The following GLDC variants were observed in gnomAD, a reference collection of about 807,000 sequenced individuals.
GLDC encodes glycine dehydrogenase (decarboxylating), mitochondrial.
Under a neutral mutation model 121.3 loss-of-function variants are expected in GLDC, and 104 were observed. The ratio of observed to expected loss-of-function variants is 0.86; its 90% CI spans 0.73 to 1.01. The LOEUF (loss-of-function observed/expected upper bound fraction) is 1.01. Among genes scored for constraint, GLDC ranks in the 50% least tolerant of loss-of-function variants. GLDC has a pLI of 0.00. For synonymous variants in GLDC, 546 were observed against 480.6 expected (o/e 1.14, Z -1.78); for missense variants, 1,429 against 1,306.6 (o/e 1.09, Z -1.44).
At chr9:6,637,495 G>A (rs1385475155) in intron 2 of GLDC, among the ~76,000 whole-genome samples, 4 of 151,932 alleles carry the variant, frequency 2.6e-5, no homozygotes, top group African/African-American at 9.7e-5. Flanking sequence ...TGTCGCCCAG[G>A]CTGGTGTGCA....
At chr9:6,635,087 C>T (rs142866530) in intron 2 of GLDC, among the ~76,000 whole-genome samples, 1,767 of 152,304 alleles carry the variant, frequency 0.012, 23 homozygotes, top group African/African-American at 0.04. Flanking sequence ...CATGCCTCTG[C>T]TCATGCCATA....
At position 6,645,310 on chromosome 9, in the gene GLDC, C is replaced by T. The variant is rs141601131; in HGVS notation, c.190G>A (p.Ala64Thr). 173 of 1,594,388 alleles carry T rather than the reference C, an allele frequency of 1.1e-4. No individual in the cohort carries two copies. In the African/African-American group the frequency reaches 2.0e-3, roughly 18 times the overall value. Residue 64 changes from alanine to threonine, a missense_variant, in exon 1 of 25, where the codon GCT (alanine) becomes ACT (threonine). Physicochemically the swap from Ala to Thr is moderately conservative, Grantham distance 58. Transcript: ENST00000321612. The part of the protein sequence containing the change: ...ERLLPRHDDF[A>T]RRHIGPGDKD... ...TCCCCAGGGCCGATGTGCCTCCGAG[C>T]GAAGTCGTCGTGTCTGGGCAGAAGG...
At chr9:6,628,716 G>C (rs1819300376) in intron 2 of GLDC, among the ~76,000 whole-genome samples, 1 of 152,222 alleles carries the variant, frequency 6.6e-6, no homozygotes, top group South Asian at 2.1e-4. Flanking sequence ...ACTCCCACCT[G>C]GGTGACAGAG....
At chr9:6,569,576 C>T (rs367845240) in intron 15 of GLDC, among the ~76,000 whole-genome samples, 271 of 151,708 alleles carry the variant, frequency 1.8e-3, no homozygotes, top group African/African-American at 6.5e-3. Context: ...TGCTTGAACC[C>T]GGGAGGCGGA....
chr9:6,637,092 T>A (rs1231138929), intron 2 of GLDC, among the ~76,000 whole-genome samples: 9 of 150,148 alleles, frequency 6.0e-5, no homozygotes, highest in African/African-American at 2.0e-4. Flanking sequence ...TGTTTGTTTT[T>A]TTTTTTAAAA....
At position 6,641,044 on chromosome 9, in the gene GLDC, T is replaced by C. The variant is rs190701613; in HGVS notation, c.334+3570A>G. On this transcript the variant is annotated intron_variant, in intron 2 of 24. Transcript: ENST00000321612. ...TTTGAACTGAATAGCTTTGCTTGTT[T>C]CTCTGAATAATGACTTACTTAGCAG... is the stretch of plus-strand genomic sequence containing the variant. Among the ~76,000 whole-genome samples, 8 of 152,324 alleles carry C rather than the reference T, an allele frequency of 5.3e-5. 1 individual carries two copies. Among genetic ancestry groups the C allele is most frequent in the Admixed American group, 5.2e-4 (8 of 15,296 alleles).
At chr9:6,620,711 C>T (rs540602957) in intron 2 of GLDC, among the ~76,000 whole-genome samples, 1 of 152,184 alleles carries the variant, frequency 6.6e-6, no homozygotes, top group Non-Finnish European at 1.5e-5. Flanking sequence ...TAAACTGCCT[C>T]ATACTCTCTG....
chr9:6,624,269 A>G (rs1563867320), intron 2 of GLDC, among the ~76,000 whole-genome samples: 1 of 152,166 alleles, frequency 6.6e-6, no homozygotes, highest in East Asian at 1.9e-4. Flanking sequence ...ATATAACCTT[A>G]CTTGAAAATA....
chr9:6,543,960 T>C (rs1448932127), intron 21 of GLDC, among the ~76,000 whole-genome samples: 1 of 151,922 alleles, frequency 6.6e-6, no homozygotes, highest in African/African-American at 2.4e-5. Flanking sequence ...ACCGCCCCCA[T>C]ATGTTGATTG....
intron 4 of GLDC, among the ~76,000 whole-genome samples, 180 bp downstream of exon 4, chr9:6,610,012 G>T (rs916936473): frequency 6.6e-6 from 1 of 152,130 alleles, no homozygotes; most frequent in Non-Finnish European, 1.5e-5. Flanking sequence ...CACCAAGAAG[G>T]ACCCTGAGAG....
At chr9:6,593,401 C>T (rs1818419141) in intron 9 of GLDC, among the ~76,000 whole-genome samples, 1 of 151,632 alleles carries the variant, frequency 6.6e-6, no homozygotes, top group South Asian at 2.1e-4. Flanking sequence ...CAAGCTCATG[C>T]AATCCCCTTG....
At chr9:6,639,668 A>AATTATATATAT in intron 2 of GLDC, 2 of 248,648 alleles carry the variant, frequency 8.0e-6, no homozygotes, top group Non-Finnish European at 1.3e-5. Context: ...ATAAAAAAAA[A>AATTATATATAT]GTATATATAT....
intron 16 of GLDC, among the ~76,000 whole-genome samples, chr9:6,563,839 G>A (rs1339426231): frequency 2.0e-5 from 3 of 152,042 alleles, no homozygotes. Flanking sequence ...AAGATCTTTA[G>A]ACATGAATTC....
In GLDC at chr9:6,604,753, G is replaced by A; in HGVS notation, c.893C>T (p.Ala298Val). ...TCCAGGTGGCCTCAAGATGCACAAA[G>A]CTAAAAGGTCAGTAGCACAGCAGGC... ...SLACCATDLLALCILRPPGEF... is the reference protein window; with the variant it reads ...SLACCATDLLVLCILRPPGEF... The change falls in exon 7 of 25, where the codon GCT becomes GTT. Residue 298 changes from alanine to valine, a missense_variant. Ala to Val is a moderately conservative substitution (Grantham distance 64, BLOSUM62 0). Transcript: ENST00000321612. 2 of 1,614,108 alleles carry A rather than the reference G, an allele frequency of 1.2e-6. No homozygotes were observed. Among genetic ancestry groups the A allele is most frequent in the Non-Finnish European group, 1.7e-6 (2 of 1,179,956 alleles).
At chr9:6,592,508 C>T (rs954542545) in intron 10 of GLDC, among the ~76,000 whole-genome samples, 7 of 152,202 alleles carry the variant, frequency 4.6e-5, no homozygotes, top group African/African-American at 1.7e-4. Flanking sequence ...CCTTAACCCA[C>T]TTATCAGATA....
At chr9:6,644,050 A>ACAAAAAAAAAAAAAAAAAAAAAAAAAAAC in intron 2 of GLDC, among the ~76,000 whole-genome samples, 1 of 92,700 alleles carries the variant, frequency 1.1e-5, no homozygotes, top group Non-Finnish European at 2.0e-5. Flanking sequence ...AAAAAAAAAA[A>ACAAAAAAAAAAAAAAAAAAAAAAAAAAAC]CGAAAAAAAA....
At chr9:6,611,368 T>C (rs553555813) in intron 3 of GLDC, among the ~76,000 whole-genome samples, 81 of 152,212 alleles carry the variant, frequency 5.3e-4, no homozygotes, top group South Asian at 1.0e-3. Context: ...CCATCCTGGC[T>C]AACATGGTGA....
chr9:6,540,687 G>C (rs1455922474), intron 21 of GLDC: 1 of 159,284 alleles, frequency 6.3e-6, no homozygotes. Flanking sequence ...TGATGTTTTG[G>C]TTTCAGGCTG....
intron 2 of GLDC, among the ~76,000 whole-genome samples, chr9:6,621,504 T>A (rs180936239): frequency 3.3e-5 from 5 of 152,194 alleles, no homozygotes; most frequent in Non-Finnish European, 7.4e-5. Context: ...CATGGACAGC[T>A]CTTATACTGA....
Sources: allele counts gnomAD v4.1 joint callset (sites outside exome capture counted in the v4.1 genomes callset), GRCh38; gene constraint gnomAD v4.1.1; transcripts MANE v1.5; gene names NCBI Gene and HGNC (gene_info 2026-07-23, HGNC 2026-07-21).